Variants in CCDC61 observed in about 807,000 individuals in gnomAD.
CCDC61 encodes the protein centrosomal protein CCDC61.
Under a neutral mutation model 63.0 loss-of-function variants are expected in CCDC61, and 55 were observed. That is an observed-to-expected ratio of 0.87 (90% CI 0.70 to 1.09). The LOEUF is 1.09. Among genes scored for constraint, CCDC61 ranks in the 50% least tolerant of loss-of-function variants. The pLI, the probability that CCDC61 is intolerant of heterozygous loss-of-function variation, is 0.00. For synonymous variants in CCDC61, 270 were observed against 317.0 expected (o/e 0.85, Z 1.58); for missense variants, 651 against 731.4 (o/e 0.89, Z 1.27).
At chr19:46,006,761 T>G (rs1259856037) in intron 4 of CCDC61, 45 bp downstream of exon 4, 1 of 1,548,074 alleles carries the variant, frequency 6.5e-7, no homozygotes, top group Non-Finnish European at 8.8e-7. Context: ...GTGGGCGGGG[T>G]GGGAGAGGAT....
At chr19:46,017,385 AG>A in intron 12 of CCDC61, 81 bp downstream of exon 12, 1 of 1,344,544 alleles carries the variant, frequency 7.4e-7, no homozygotes, top group Non-Finnish European at 1.0e-6. Context: ...TCAGGTGCAG[AG>A]GCGACTCTGA....
Position 46,016,512 on chromosome 19 carries a change from ATACCCCGCC to A in CCDC61, c.1091+121_1091+129del. On this transcript the variant is annotated intron_variant, in intron 9 of 13. Transcript: ENST00000595358. The surrounding 1 kb of genome is among the most constrained non-coding windows in gnomAD (Gnocchi z 7.2). Reference sequence around the variant, plus strand: ...CTGCCACCTGCTCGCTTCTCGCCGGATACCCCGCCTGCTCTCCCTTCCGTCCGTCCTACC... The same window carrying A: ...CTGCCACCTGCTCGCTTCTCGCCGGATGCTCTCCCTTCCGTCCGTCCTACC... The A allele has an allele frequency of 7.2e-7, 1 of 1,396,298 alleles. No homozygotes were observed. The highest frequency in any genetic ancestry group is 9.9e-7 in the Non-Finnish European group (1 of 1,011,500). The allele number at this position is 1,396,298 out of a possible 1,614,324, so 86.5% of individuals were successfully genotyped here.
intron 5 of CCDC61, 96 bp from the exon 6 acceptor site, chr19:46,014,953 T>C: frequency 9.1e-7 from 1 of 1,095,092 alleles, no homozygotes; most frequent in Non-Finnish European, 1.3e-6. Flanking sequence ...TGTACCCCCT[T>C]CCGGGGAGGT....
At chr19:46,014,943 T>G in intron 5 of CCDC61, 106 bp from the exon 6 acceptor site, 1 of 961,852 alleles carries the variant, frequency 1.0e-6, no homozygotes, top group Non-Finnish European at 1.5e-6. Flanking sequence ...TGATGAGCCG[T>G]GTACCCCCTT....
chr19:46,012,587 C>A (rs994525765), intron 5 of CCDC61, among the ~76,000 whole-genome samples: 4 of 151,708 alleles, frequency 2.6e-5, no homozygotes, highest in African/African-American at 9.7e-5. Flanking sequence ...GCAGAGGTTG[C>A]AGTGAGCCGA....
chr19:46,010,385 A>G (rs898064119), intron 5 of CCDC61, among the ~76,000 whole-genome samples: 7 of 152,010 alleles, frequency 4.6e-5, no homozygotes, highest in African/African-American at 1.2e-4. Flanking sequence ...GGAAACGGAC[A>G]CTCCTCTACA....
At position 45,995,523 on chromosome 19, in the gene CCDC61, G is replaced by C. The variant is rs756662627; in HGVS notation, c.-12+19G>C. On this transcript the variant is annotated intron_variant, in intron 1 of 13. Coordinates refer to ENST00000595358, the MANE Select transcript of CCDC61 (RefSeq NM_001267723.2). ...GGAGAAGGTGAGAGGCCGCGGGAGT[G>C]GCGGTTGCGCGGGCCGTGGTGGAGG... The C allele has an allele frequency of 1.9e-6, 1 of 514,926 alleles. No homozygotes were observed. The highest frequency in any genetic ancestry group is 4.0e-6 in the Non-Finnish European group (1 of 250,534). 31.9% of individuals were successfully genotyped at this position (514,926 alleles called of 1,614,324 possible).
rs760111878 is a variant in CCDC61 at position 46,015,337 on chromosome 19, C to T, written c.763-8C>T. 8.7e-5 allele frequency: 139 copies of T among 1,599,004 alleles called. 1 individual carries two copies. The Admixed American group carries it at 1.4e-3, about 16-fold the overall frequency. On this transcript the variant is annotated splice_polypyrimidine_tract_variant and splice_region_variant and intron_variant, in intron 6 of 13. Transcript: ENST00000595358. This position sits in a 1 kb window ranked among gnomAD's most constrained non-coding sequence, Gnocchi z 5.3. ...CTGGACCTCCGCGCCCCTCTCCCCT[C>T]CCGGCAGCTCGAGGAGGCGAAGGCA...
chr19:46,009,205 G>A (rs1036191189), intron 5 of CCDC61, among the ~76,000 whole-genome samples: 1 of 152,112 alleles, frequency 6.6e-6, no homozygotes, highest in Admixed American at 6.5e-5. Context: ...TGTTAGGTGG[G>A]AATGCGGTGA....
intron 5 of CCDC61, among the ~76,000 whole-genome samples, chr19:46,014,294 T>C (rs1346605349): frequency 1.3e-5 from 2 of 152,130 alleles, no homozygotes; most frequent in African/African-American, 4.8e-5. Flanking sequence ...AATCCTTTTT[T>C]CCCCCATAGA....
chr19:46,003,853 G>A (rs8108561), intron 3 of CCDC61, among the ~76,000 whole-genome samples: 61,273 of 150,488 alleles, frequency 0.41, 12,824 homozygotes, highest in Non-Finnish European at 0.44. Flanking sequence ...GTGTGTGTGT[G>A]TGTGTGTGTA....
chr19:45,998,434 C>T (rs1011083159), intron 1 of CCDC61, among the ~76,000 whole-genome samples: 1 of 152,204 alleles, frequency 6.6e-6, no homozygotes, highest in African/African-American at 2.4e-5. Context: ...TCAGAGTTTG[C>T]TGGGGCCACT....
At chr19:46,011,204 A>G (rs979229774) in intron 5 of CCDC61, among the ~76,000 whole-genome samples, 1 of 151,732 alleles carries the variant, frequency 6.6e-6, no homozygotes, top group Non-Finnish European at 1.5e-5. Context: ...ACATGCCATC[A>G]TGCCCAGCTA....
intron 1 of CCDC61, chr19:45,996,221 G>C (rs546933386): frequency 2.2e-4 from 34 of 152,382 alleles, no homozygotes; most frequent in African/African-American, 7.5e-4. Flanking sequence ...TATCTAATGA[G>C]AACTCCCACG....
intron 5 of CCDC61, among the ~76,000 whole-genome samples, chr19:46,012,709 T>C (rs1968851460): frequency 6.6e-6 from 1 of 151,978 alleles, no homozygotes; most frequent in Non-Finnish European, 1.5e-5. Context: ...CGTATGTCTT[T>C]TTCCGGGAGA....
At position 46,008,152 on chromosome 19, in the gene CCDC61, G is replaced by A. The variant is rs372204584; in HGVS notation, c.402G>A (p.Pro134=). The A allele has an allele frequency of 1.7e-5, 27 of 1,609,382 alleles. No homozygotes were observed. The highest frequency in any genetic ancestry group is 2.2e-5 in the East Asian group (1 of 44,760). ...CCTCCCTCCTCAGGATTCACTACCC[G>A]CTGCCCCTCCCGTACCAGGGCAAGC... ...YSVEFDRIHY[P]LPLPYQGKPD... Residue 134 remains proline (P), a synonymous_variant, in exon 5 of 14, where the codon CCG becomes CCA. Coordinates refer to ENST00000595358, the MANE Select transcript of CCDC61 (RefSeq NM_001267723.2).
intron 3 of CCDC61, among the ~76,000 whole-genome samples, chr19:46,006,208 A>G (rs996398788): frequency 6.6e-6 from 1 of 152,214 alleles, no homozygotes; most frequent in Non-Finnish European, 1.5e-5. Context: ...GCACATGTCA[A>G]CACAGTGAAA....
chr19:46,012,665 A>G (rs1164054034), intron 5 of CCDC61, among the ~76,000 whole-genome samples: 2 of 77,400 alleles, frequency 2.6e-5, no homozygotes, highest in Admixed American at 1.0e-4. Flanking sequence ...AAAAAGGAGA[A>G]AAAAATCAAA....
Position 46,017,025 on chromosome 19 carries a change from C to T in CCDC61, c.1266C>T (p.Ser422=), listed in dbSNP as rs1300775394. The stretch of plus-strand genomic sequence containing the variant: ...TCCGCAGCCGCTGCTCGTCTGCCAG[C>T]TCCTGCAGCGATTTGGAGGATTTCT... ...DSFRSRCSSA[S]SCSDLEDFSE... is the part of the protein sequence containing the mutation. The change falls in exon 11 of 14, where the codon AGC becomes AGT. Residue 422 remains serine (S), a synonymous_variant. Coordinates refer to ENST00000595358, the MANE Select transcript of CCDC61 (RefSeq NM_001267723.2). 3 of 1,612,540 alleles carry T rather than the reference C, an allele frequency of 1.9e-6. No individual in the cohort carries two copies. The highest frequency in any genetic ancestry group is 1.7e-5 in the Admixed American group (1 of 59,862).
Sources: allele counts gnomAD v4.1 joint callset (sites outside exome capture counted in the v4.1 genomes callset), GRCh38; gene constraint gnomAD v4.1.1; non-coding constraint Gnocchi (gnomAD v3.1); transcripts MANE v1.5; gene names NCBI Gene and HGNC (gene_info 2026-07-23, HGNC 2026-07-21).